The following CEP350 variants were observed in gnomAD, a reference collection of about 807,000 sequenced individuals.
CEP350 encodes centrosome-associated protein 350.
Under a neutral mutation model 331.8 loss-of-function variants are expected in CEP350, and 126 were observed. The ratio of observed to expected loss-of-function variants is 0.38; its 90% CI spans 0.33 to 0.44. CEP350 has a LOEUF of 0.44. Among genes scored for constraint, CEP350 ranks in the 20% least tolerant of loss-of-function variants. The pLI, the probability that CEP350 is intolerant of heterozygous loss-of-function variation, is 1.00. For missense variants in CEP350, 3,406 were observed against 3,634.6 expected (o/e 0.94, Z 1.62); for synonymous variants, 1,200 against 1,259.5 (o/e 0.95, Z 1.00).
chr1:180,064,896 TTCTC>T (rs1489116668), intron 26 of CEP350, among the ~76,000 whole-genome samples: 5 of 152,192 alleles, frequency 3.3e-5, no homozygotes, highest in Non-Finnish European at 5.9e-5. Flanking sequence ...TATTCTCTTT[TTCTC>T]TCTATATATA....
In CEP350 at chr1:180,020,878, C is replaced by G; in HGVS notation, c.3104C>G (p.Ala1035Gly). Residue 1035 changes from alanine to glycine, a missense_variant, in exon 12 of 38, where the codon GCT (alanine) becomes GGT (glycine). Transcript: ENST00000367607. The part of the protein sequence containing the change: ...YEPIKEFQKE[A>G]EKFLPLFGHI... ...CCCATCAAAGAGTTTCAGAAAGAAG[C>G]TGAAAAATTCTTGCCACTTTTTGGG... 1 of 1,613,480 alleles carries G rather than the reference C, an allele frequency of 6.2e-7. No homozygotes were observed. The highest frequency in any genetic ancestry group is 8.5e-7 in the Non-Finnish European group (1 of 1,179,846).
At chr1:179,961,363 A>G (rs1247118904) in intron 1 of CEP350, among the ~76,000 whole-genome samples, 2 of 152,108 alleles carry the variant, frequency 1.3e-5, no homozygotes, top group African/African-American at 4.8e-5. Context: ...CAGGAGAATC[A>G]CTTGAACCTG....
Position 180,014,246 on chromosome 1 carries a change from A to G in CEP350, c.1793A>G (p.Gln598Arg), listed in dbSNP as rs201684180. ...CACTATGACACAGATGAGGTACGAC[A>G]GTACATTGTTAGGCAGCAGGAGGAA... ...RRHYDTDEVR[Q>R]YIVRQQEERK... is the part of the protein sequence containing the mutation. The change falls in exon 10 of 38, where the codon CAG (glutamine) becomes CGG (arginine). Residue 598 changes from glutamine (Q) to arginine (R), a missense_variant. Physicochemically the swap from Gln to Arg is conservative, Grantham distance 43. Coordinates refer to ENST00000367607, the MANE Select transcript of CEP350 (RefSeq NM_014810.5). The G allele has an allele frequency of 4.3e-5, 70 of 1,609,842 alleles. No homozygotes were observed. Among genetic ancestry groups the G allele is most frequent in the Non-Finnish European group, 5.8e-5 (68 of 1,178,150 alleles).
In CEP350 at chr1:180,014,438, C is replaced by T. The variant is rs1654843360; in HGVS notation, c.1985C>T (p.Ser662Phe). The change falls in exon 10 of 38, where the codon TCC (serine) becomes TTC (phenylalanine). Residue 662 changes from serine to phenylalanine, a missense_variant. Coordinates refer to ENST00000367607, the MANE Select transcript of CEP350 (RefSeq NM_014810.5). ...SATRRLQETYSKLLLEKTLLE... is the reference protein window; with the variant it reads ...SATRRLQETYFKLLLEKTLLE... ...ACTAGGCGACTACAGGAAACTTACT[C>T]CAAATTGCTACTAGAAAAGACCTTG... 6.2e-7 allele frequency: 1 copy of T among 1,609,516 alleles called. No homozygotes were observed.
intron 37 of CEP350, among the ~76,000 whole-genome samples, chr1:180,102,998 GCT>G (rs753500725): frequency 1.3e-5 from 2 of 152,172 alleles, no homozygotes; most frequent in African/African-American, 2.4e-5. Context: ...GAGGAGAGCA[GCT>G]CTCTCTTTTA....
intron 27 of CEP350, among the ~76,000 whole-genome samples, chr1:180,066,501 TG>T (rs1658556752): frequency 6.6e-6 from 1 of 152,242 alleles, no homozygotes; most frequent in Non-Finnish European, 1.5e-5. Context: ...AGTCAAGAGT[TG>T]TAAGTTAAAT....
chr1:180,105,307 C>T (rs1412998029), intron 37 of CEP350, among the ~76,000 whole-genome samples: 2 of 151,974 alleles, frequency 1.3e-5, no homozygotes, highest in African/African-American at 2.4e-5. Context: ...AATCCGCCCA[C>T]GGACCTCTTC....
chr1:180,041,593 A>C, intron 18 of CEP350, 69 bp from the exon 19 acceptor site: 2 of 1,372,466 alleles, frequency 1.5e-6, no homozygotes, highest in African/African-American at 1.5e-5. Flanking sequence ...TAAATTTATA[A>C]ATTAAAATTA....
chr1:180,063,884 T>C (rs1558135735), intron 26 of CEP350, among the ~76,000 whole-genome samples: 1 of 152,162 alleles, frequency 6.6e-6, no homozygotes, highest in Non-Finnish European at 1.5e-5. Flanking sequence ...CCTAATATGC[T>C]CTGCTTTGAT....
At chr1:180,052,192 C>T (rs1030737325) in intron 22 of CEP350, 2 of 453,752 alleles carry the variant, frequency 4.4e-6, no homozygotes, top group Non-Finnish European at 8.8e-6. Context: ...CAACTAGTGC[C>T]TACAAATTCT....
intron 6 of CEP350, among the ~76,000 whole-genome samples, chr1:179,998,900 C>A (rs1380234859): frequency 6.6e-6 from 1 of 151,978 alleles, no homozygotes; most frequent in Non-Finnish European, 1.5e-5. Flanking sequence ...AAATTGTGAT[C>A]AATTCACTTT....
At chr1:179,965,548 G>A (rs148168522) in intron 1 of CEP350, among the ~76,000 whole-genome samples, 3 of 150,372 alleles carry the variant, frequency 2.0e-5, no homozygotes, top group African/African-American at 7.3e-5. Flanking sequence ...AAGGATTTCA[G>A]AATAGCCAGC....
At chr1:180,011,610 T>A (rs751497097) in intron 8 of CEP350, among the ~76,000 whole-genome samples, 16 of 152,134 alleles carry the variant, frequency 1.1e-4, no homozygotes, top group Non-Finnish European at 2.4e-4. Context: ...CTGGCTAATT[T>A]TTTGTATTTT....
intron 1 of CEP350, among the ~76,000 whole-genome samples, chr1:179,975,289 G>A (rs1012934612): frequency 6.6e-6 from 1 of 152,170 alleles, no homozygotes; most frequent in African/African-American, 2.4e-5. Flanking sequence ...AATTAATGTT[G>A]TGAAGGTCTC....
At chr1:180,107,502 C>T (rs931644096) in intron 37 of CEP350, among the ~76,000 whole-genome samples, 4 of 152,178 alleles carry the variant, frequency 2.6e-5, no homozygotes, top group Admixed American at 2.6e-4. Flanking sequence ...AACCCCATCT[C>T]TCTGAAAATA....
At position 180,011,919 on chromosome 1, in the gene CEP350, AT is replaced by A. The variant is rs750258467; in HGVS notation, c.1247-3del. 5 of 1,572,154 alleles carry A rather than the reference AT, an allele frequency of 3.2e-6. No individual in the cohort carries two copies. The highest frequency in any genetic ancestry group is 1.9e-5 in the Admixed American group (1 of 52,020). On this transcript the variant is annotated splice_polypyrimidine_tract_variant and intron_variant, in intron 8 of 37. Transcript: ENST00000367607. ...TTAAGTTTTAATTTCAGTGCCATGT[AT>A]TTTTTTAGGTAGTAGTCATCTTATA... is the stretch of plus-strand genomic sequence containing the variant.
At chr1:180,004,927 C>CTTTCTTTCTTTCTTTCTTTCTT (rs1553254003) in intron 7 of CEP350, among the ~76,000 whole-genome samples, 6 of 74,958 alleles carry the variant, frequency 8.0e-5, no homozygotes, top group African/African-American at 1.8e-4. Context: ...TTCTTTCTTT[C>CTTTCTTTCTTTCTTTCTTTCTT]TTTCTTTCTT....
chr1:180,051,553 A>G (rs1657503173), intron 22 of CEP350, among the ~76,000 whole-genome samples: 2 of 152,228 alleles, frequency 1.3e-5, no homozygotes, highest in Non-Finnish European at 2.9e-5. Context: ...GTATGATGCT[A>G]TGTATTTGTC....
In CEP350 at chr1:180,092,735, A is replaced by C. The variant is rs777701685; in HGVS notation, c.6630A>C (p.Arg2210Ser). The change falls in exon 34 of 38, where the codon AGA becomes AGC. Residue 2210 changes from arginine to serine, a missense_variant. This residue lies in a region of CEP350 where 1,415 missense variants were observed against 1,512.3 expected (regional missense o/e 0.94). Transcript: ENST00000367607. The stretch of plus-strand genomic sequence containing the variant: ...TTCAGACCCCATCTCCAGTTCTCAG[A>C]TCATCAAGGAAAATCAGAGAAGAAT... ...EDFQTPSPVLRSSRKIREESG... is the reference protein window; with the variant it reads ...EDFQTPSPVLSSSRKIREESG... 2.0e-5 allele frequency: 32 copies of C among 1,607,502 alleles called. No individual in the cohort carries two copies. Among genetic ancestry groups the C allele is most frequent in the Non-Finnish European group, 2.7e-5 (32 of 1,176,332 alleles).
Sources: gnomAD v4.1 joint callset for allele counts (sites outside exome capture counted in the v4.1 genomes callset) on GRCh38, gnomAD v4.1.1 for gene constraint, gnomAD v4.1.1 regional missense constraint, MANE v1.5 for transcripts, NCBI Gene and HGNC (gene_info 2026-07-23, HGNC 2026-07-21) for gene names.